HS6ST3: variants seen among roughly 807,000 people sequenced by gnomAD.
HS6ST3 encodes heparan-sulfate 6-O-sulfotransferase 3.
In HS6ST3, 12 loss-of-function variants were observed where a neutral mutation model predicts 36.7. That is an observed-to-expected ratio of 0.33 (90% CI 0.21 to 0.53). The LOEUF is 0.53. Among genes scored for constraint, HS6ST3 ranks in the 20% least tolerant of loss-of-function variants. The probability of loss-of-function intolerance (pLI) is 0.95; values close to 1 mark genes in which losing one functional copy is unlikely to be tolerated. For missense variants in HS6ST3, 584 were observed against 640.9 expected (o/e 0.91, Z 0.96); for synonymous variants, 240 against 257.5 (o/e 0.93, Z 0.65).
At chr13:96,670,556 G>A (rs1429162729) in intron 1 of HS6ST3, among the ~76,000 whole-genome samples, 1 of 151,986 alleles carries the variant, frequency 6.6e-6, no homozygotes, top group Non-Finnish European at 1.5e-5. Flanking sequence ...TCCAGGGAGA[G>A]GATGGAATAC....
chr13:96,689,948 T>A (rs1874905641), intron 1 of HS6ST3, among the ~76,000 whole-genome samples: 1 of 152,034 alleles, frequency 6.6e-6, no homozygotes, highest in African/African-American at 2.4e-5. Flanking sequence ...TAGGAAAAAT[T>A]GGCCTGTTTT....
In HS6ST3 at chr13:96,310,173, G is replaced by T. The variant is rs147864798; in HGVS notation, c.707+218604G>T. On this transcript the variant is annotated intron_variant, in intron 1 of 1. Transcript: ENST00000376705. ...TTTTTTCTTAGTTCTTTGCATTTTT[G>T]TCATGCTGATTATTTTTCTTCAAGC... Among the ~76,000 whole-genome samples the T allele has an allele frequency of 4.2e-3, 642 of 152,042 alleles. 2 individuals carry two copies. The highest frequency in any genetic ancestry group is 0.015 in the African/African-American group (610 of 41,482).
intron 1 of HS6ST3, among the ~76,000 whole-genome samples, chr13:96,237,093 T>C (rs1323010170): frequency 6.6e-6 from 1 of 152,132 alleles, no homozygotes; most frequent in Non-Finnish European, 1.5e-5. Context: ...CTCAGGAGAA[T>C]AGCTTGGGGA....
rs188083999 is a variant in HS6ST3, at chr13:96,198,971, G to T, written c.707+107402G>T. On this transcript the variant is annotated intron_variant, in intron 1 of 1. Coordinates refer to ENST00000376705, the MANE Select transcript of HS6ST3 (RefSeq NM_153456.4). ...TACCCAAGACTTAGAAGAAAAAGAG[G>T]TTTAATTAGATTTACAGGTCCACAT... 1.3e-3 allele frequency among the ~76,000 whole-genome samples: 191 copies of T among 152,306 alleles called. 1 individual carries two copies. Among genetic ancestry groups the T allele is most frequent in the South Asian group, 0.011 (53 of 4,832 alleles).
intron 1 of HS6ST3, among the ~76,000 whole-genome samples, chr13:96,319,139 T>A (rs2054991314): frequency 6.6e-6 from 1 of 152,220 alleles, no homozygotes; most frequent in Non-Finnish European, 1.5e-5. Context: ...CCTTAGTCCC[T>A]GGCAATCACC....
chr13:96,275,124 G>T, intron 1 of HS6ST3, among the ~76,000 whole-genome samples: 1 of 152,146 alleles, frequency 6.6e-6, no homozygotes, highest in East Asian at 1.9e-4. Context: ...CTATGATGAA[G>T]GGTTGTGTTG....
chr13:96,310,451 G>T (rs1453130195), intron 1 of HS6ST3, among the ~76,000 whole-genome samples: 1 of 152,132 alleles, frequency 6.6e-6, no homozygotes, highest in Non-Finnish European at 1.5e-5. Context: ...TAGAAAGTTT[G>T]AGAGATTCTA....
intron 1 of HS6ST3, among the ~76,000 whole-genome samples, chr13:96,275,869 T>C (rs2054745921): frequency 6.6e-6 from 1 of 151,622 alleles, no homozygotes; most frequent in Admixed American, 6.6e-5. Context: ...TTTTTTTTTT[T>C]TGGTGGTGGT....
At chr13:96,197,016 AGATGGATCTATGT>A (rs2054317590) in intron 1 of HS6ST3, among the ~76,000 whole-genome samples, 1 of 152,222 alleles carries the variant, frequency 6.6e-6, no homozygotes, top group African/African-American at 2.4e-5. Flanking sequence ...TGTGACCTCT[AGATGGATCTATGT>A]GATTCACAGA....
intron 1 of HS6ST3, among the ~76,000 whole-genome samples, chr13:96,186,183 T>G (rs1594708582): frequency 6.6e-6 from 1 of 152,204 alleles, no homozygotes; most frequent in Admixed American, 6.5e-5. Context: ...CATTCGTATA[T>G]GCATGAAAAC....
At chr13:96,609,906 A>G (rs544195972) in intron 1 of HS6ST3, among the ~76,000 whole-genome samples, 1 of 152,240 alleles carries the variant, frequency 6.6e-6, no homozygotes, top group African/African-American at 2.4e-5. Flanking sequence ...TGAGGAAAGC[A>G]TATATGATAG....
At chr13:96,394,302 G>T (rs2389659) in intron 1 of HS6ST3, among the ~76,000 whole-genome samples, 121,594 of 148,930 alleles carry the variant, frequency 0.82, 49,800 homozygotes, top group South Asian at 0.86. Context: ...CCCCATTTTT[G>T]TATCTTTTAG....
At chr13:96,256,106 G>A (rs7984382) in intron 1 of HS6ST3, among the ~76,000 whole-genome samples, 2,402 of 152,196 alleles carry the variant, frequency 0.016, 65 homozygotes, top group African/African-American at 0.055. Context: ...AAAGATCAGC[G>A]AAATATTCAA....
intron 1 of HS6ST3, among the ~76,000 whole-genome samples, chr13:96,667,169 A>G (rs2056666884): frequency 1.3e-5 from 2 of 152,234 alleles, no homozygotes; most frequent in Non-Finnish European, 2.9e-5. Flanking sequence ...AATATGAATT[A>G]AAACTACATT....
intron 1 of HS6ST3, among the ~76,000 whole-genome samples, chr13:96,430,612 C>T (rs776199930): frequency 1.2e-4 from 18 of 152,302 alleles, no homozygotes; most frequent in Non-Finnish European, 5.9e-5. Flanking sequence ...TCAGAAGGCC[C>T]TGCTCTTCTC....
intron 1 of HS6ST3, among the ~76,000 whole-genome samples, chr13:96,205,527 A>C (rs548838225): frequency 1.1e-4 from 16 of 152,278 alleles, no homozygotes; most frequent in Middle Eastern, 3.4e-3. Context: ...ACAACAACAA[A>C]AAAAAACTTC....
chr13:96,684,243 T>A (rs1475661092), intron 1 of HS6ST3, among the ~76,000 whole-genome samples: 1 of 152,118 alleles, frequency 6.6e-6, no homozygotes, highest in African/African-American at 2.4e-5. Flanking sequence ...TTTTTCTTAA[T>A]GTACCTTTTC....
intron 1 of HS6ST3, among the ~76,000 whole-genome samples, chr13:96,518,407 A>G (rs1357717261): frequency 6.6e-6 from 1 of 152,184 alleles, no homozygotes; most frequent in African/African-American, 2.4e-5. Flanking sequence ...AGTATGTTTA[A>G]TCTCTGTAAT....
At chr13:96,621,234 T>C (rs1410156254) in intron 1 of HS6ST3, among the ~76,000 whole-genome samples, 1 of 152,216 alleles carries the variant, frequency 6.6e-6, no homozygotes, top group Non-Finnish European at 1.5e-5. Context: ...AATCTTATCT[T>C]GAATTATAAC....
Sources: allele counts gnomAD v4.1 joint callset (sites outside exome capture counted in the v4.1 genomes callset), GRCh38; gene constraint gnomAD v4.1.1; transcripts MANE v1.5; gene names NCBI Gene and HGNC (gene_info 2026-07-23, HGNC 2026-07-21).